The following CADM2 variants were observed in gnomAD, a reference collection of about 807,000 sequenced individuals.
CADM2 encodes immunoglobulin superfamily member 4D.
In CADM2, 12 loss-of-function variants were observed where a neutral mutation model predicts 49.8. The ratio of observed to expected loss-of-function variants is 0.24; its 90% CI spans 0.15 to 0.39. The LOEUF (loss-of-function observed/expected upper bound fraction) is 0.39, where lower values mean the gene tolerates loss of function less well. CADM2 is among the 10% of genes least tolerant of loss of function. The probability of loss-of-function intolerance (pLI) is 1.00; values close to 1 mark genes in which losing one functional copy is unlikely to be tolerated. For missense variants in CADM2, 378 were observed against 492.3 expected, an observed-to-expected ratio of 0.77 and a Z score of 2.20; for synonymous variants, 214 against 175.4, an observed-to-expected ratio of 1.22 and a Z score of -1.74.
intron 1 of CADM2, among the ~76,000 whole-genome samples, chr3:85,283,274 TATC>T (rs1053108409): frequency 7.0e-4 from 107 of 152,030 alleles, no homozygotes; most frequent in African/African-American, 2.4e-3. Context: ...TTTTTGACAT[TATC>T]ATGTTTATTA....
intron 1 of CADM2, among the ~76,000 whole-genome samples, chr3:85,149,398 G>A (rs751140849): frequency 9.1e-4 from 138 of 152,020 alleles, no homozygotes; most frequent in Non-Finnish European, 1.6e-3. Context: ...TGCTTTTATA[G>A]CAGCAAAAAT....
chr3:85,933,893 T>C (rs1455629893), intron 6 of CADM2, among the ~76,000 whole-genome samples: 1 of 152,080 alleles, frequency 6.6e-6, no homozygotes, highest in Non-Finnish European at 1.5e-5. Context: ...ATTTAGTCTT[T>C]CAAGAGATTG....
intron 8 of CADM2, among the ~76,000 whole-genome samples, chr3:86,004,488 C>G (rs989653521): frequency 1.3e-5 from 2 of 152,216 alleles, no homozygotes; most frequent in Admixed American, 1.3e-4. Flanking sequence ...GCGCCAAACT[C>G]TGACACCATG....
At chr3:85,892,255 G>A (rs1368611653) in intron 5 of CADM2, among the ~76,000 whole-genome samples, 1 of 152,210 alleles carries the variant, frequency 6.6e-6, no homozygotes, top group East Asian at 1.9e-4. Context: ...GACAGATGGA[G>A]TAAAAGCAAG....
chr3:85,838,599 C>T (rs11924201), intron 3 of CADM2, among the ~76,000 whole-genome samples: 5,484 of 151,742 alleles, frequency 0.036, 305 homozygotes, highest in African/African-American at 0.12. Context: ...AACTTAATCT[C>T]TGCATTTTGG....
At chr3:85,710,615 C>T (rs2067090860) in intron 1 of CADM2, among the ~76,000 whole-genome samples, 1 of 152,078 alleles carries the variant, frequency 6.6e-6, no homozygotes, top group Non-Finnish European at 1.5e-5. Flanking sequence ...CAGTTTAATA[C>T]AGAACTGCAT....
chr3:85,979,409 A>G, intron 8 of CADM2: 2 of 1,022,032 alleles, frequency 2.0e-6, no homozygotes, highest in Non-Finnish European at 2.8e-6. Flanking sequence ...AAGTCACCTA[A>G]ATTGCTATCA....
At chr3:85,406,449 T>A (rs917566901) in intron 1 of CADM2, among the ~76,000 whole-genome samples, 1 of 152,204 alleles carries the variant, frequency 6.6e-6, no homozygotes, top group African/African-American at 2.4e-5. Flanking sequence ...TGAAAGTTTT[T>A]AAATCTTAAC....
intron 8 of CADM2, among the ~76,000 whole-genome samples, chr3:86,045,734 T>C (rs182257309): frequency 6.6e-6 from 1 of 152,116 alleles, no homozygotes; most frequent in Non-Finnish European, 1.5e-5. Flanking sequence ...GTAATAATAA[T>C]AAGAACAATA....
intron 1 of CADM2, among the ~76,000 whole-genome samples, chr3:85,288,612 T>A (rs1204080697): frequency 6.6e-6 from 1 of 152,138 alleles, no homozygotes; most frequent in Admixed American, 6.6e-5. Flanking sequence ...AATAATTGCA[T>A]GGTAGGAAAA....
chr3:85,966,174 A>C (rs1559771456), intron 8 of CADM2, among the ~76,000 whole-genome samples: 1 of 151,652 alleles, frequency 6.6e-6, no homozygotes, highest in Non-Finnish European at 1.5e-5. Flanking sequence ...GAAATACAGT[A>C]ATACCAGCAG....
At chr3:85,336,262 T>G (rs1419129932) in intron 1 of CADM2, among the ~76,000 whole-genome samples, 26 of 151,608 alleles carry the variant, frequency 1.7e-4, no homozygotes, top group Non-Finnish European at 1.5e-5. Context: ...TCCCATCTCT[T>G]GATATTTTTC....
At chr3:85,347,008 A>T (rs1370240604) in intron 1 of CADM2, among the ~76,000 whole-genome samples, 2 of 152,050 alleles carry the variant, frequency 1.3e-5, no homozygotes, top group Non-Finnish European at 2.9e-5. Flanking sequence ...GGATCACTTG[A>T]CGTCAGGAGT....
At chr3:86,013,307 C>CT (rs1731789851) in intron 8 of CADM2, 1 of 1,530,320 alleles carries the variant, frequency 6.5e-7, no homozygotes, top group African/African-American at 1.4e-5. Flanking sequence ...TACCTCTATC[C>CT]CTTGAAGAGA....
At chr3:85,935,909 C>T (rs1721142129) in intron 7 of CADM2, 52 bp downstream of exon 7, 1 of 1,063,132 alleles carries the variant, frequency 9.4e-7, no homozygotes, top group Non-Finnish European at 1.4e-6. Flanking sequence ...TTTTATCTTG[C>T]TTTGATTACA....
chr3:85,439,738 T>G (rs1470870517), intron 1 of CADM2, among the ~76,000 whole-genome samples: 1 of 152,086 alleles, frequency 6.6e-6, no homozygotes, highest in Non-Finnish European at 1.5e-5. Flanking sequence ...TCTTCATAGA[T>G]TTTATACAAA....
chr3:85,735,962 T>A (rs533887963), intron 2 of CADM2, among the ~76,000 whole-genome samples: 297 of 152,206 alleles, frequency 2.0e-3, no homozygotes, highest in Non-Finnish European at 3.6e-3. Context: ...ATAAACTATC[T>A]GAAAATCATG....
At chr3:85,400,041 A>G (rs1016808870) in intron 1 of CADM2, among the ~76,000 whole-genome samples, 8 of 152,110 alleles carry the variant, frequency 5.3e-5, no homozygotes, top group Non-Finnish European at 8.8e-5. Context: ...TTCAAAGGCA[A>G]TGCTTCCATT....
At chr3:85,207,230 G>T (rs1453856123) in intron 1 of CADM2, among the ~76,000 whole-genome samples, 1 of 152,024 alleles carries the variant, frequency 6.6e-6, no homozygotes, top group Non-Finnish European at 1.5e-5. Context: ...TCTTTCTGAG[G>T]ATACACTTTT....
Sources: gnomAD v4.1 joint callset for allele counts (sites outside exome capture counted in the v4.1 genomes callset) on GRCh38, gnomAD v4.1.1 for gene constraint, MANE v1.5 for transcripts, NCBI Gene and HGNC (gene_info 2026-07-23, HGNC 2026-07-21) for gene names.